Variants in HPD observed in about 807,000 individuals in gnomAD.
HPD encodes the protein 4-hydroxyphenylpyruvic acid oxidase.
HPD carries 35 observed loss-of-function variants against 56.9 expected under a neutral mutation model. The observed-to-expected ratio is 0.62, with a 90% CI of 0.47 to 0.82. The LOEUF is 0.82. Ranked by LOEUF, HPD falls within the 40% of genes least tolerant of loss-of-function variation. The pLI is 0.00. For missense variants in HPD, 442 were observed against 506.8 expected (o/e 0.87, Z 1.23); for synonymous variants, 186 against 200.2 (o/e 0.93, Z 0.60).
chr12:121,861,172 C>G (rs1878163544), upstream of HPD, among the ~76,000 whole-genome samples: 5 of 152,086 alleles, frequency 3.3e-5, no homozygotes, highest in South Asian at 1.0e-3. Context: ...ACCGTCTCTA[C>G]TAAAAATACA....
Position 121,839,626 on chromosome 12 carries a change from G to T in HPD, c.*102C>A. On this transcript the variant is annotated 3_prime_UTR_variant, in exon 14 of 14. Transcript: ENST00000289004. The stretch of plus-strand genomic sequence containing the variant: ...CGGAGCCTTGGGGGCCGAGTCCGCT[G>T]GTGGGCGGGACCCAAGGGGAGCAGC... The T allele has an allele frequency of 1.1e-6, 1 of 873,630 alleles. No homozygotes were observed. The highest frequency in any genetic ancestry group is 1.9e-6 in the Non-Finnish European group (1 of 527,550). The allele number at this position is 873,630 out of a possible 1,614,324, so 54.1% of individuals were successfully genotyped here.
intron 8 of HPD, 58 bp downstream of exon 8, chr12:121,849,629 A>G: frequency 8.9e-7 from 1 of 1,121,398 alleles, no homozygotes; most frequent in Non-Finnish European, 1.4e-6. Flanking sequence ...AGGAAGGGGC[A>G]TTACTTTTCA....
the HPD span, among the ~76,000 whole-genome samples, chr12:121,871,412 T>C: frequency 7.9e-5 from 12 of 151,778 alleles, no homozygotes; most frequent in African/African-American, 2.9e-4. Context: ...AGCCCTGTGC[T>C]CTGCTTCCTG....
In HPD at chr12:121,857,799, G is replaced by A; in HGVS notation, c.51C>T (p.Leu17=). 6.2e-7 allele frequency: 1 copy of A among 1,614,028 alleles called. No individual in the cohort carries two copies. Among genetic ancestry groups the A allele is most frequent in the Non-Finnish European group, 8.5e-7 (1 of 1,179,904 alleles). The part of the protein sequence containing the change: ...KGAKPERGRF[L]HFHSVTFWVG... ...CCCAGAAGGTCACAGAGTGGAAGTG[G>A]AGGAATCGGCCTCTCTCAGGCTGCA... Residue 17 remains leucine, a synonymous_variant, in exon 3 of 14, where the codon CTC becomes CTT. Coordinates refer to ENST00000289004, the MANE Select transcript of HPD (RefSeq NM_002150.3).
intron 11 of HPD, 127 bp downstream of exon 11, chr12:121,846,735 G>T: frequency 1.2e-6 from 1 of 838,516 alleles, no homozygotes; most frequent in South Asian, 1.4e-5. Context: ...AGCAGTGAGG[G>T]AGTCCTGTCA....
At chr12:121,847,305 G>A (rs890317818) in intron 9 of HPD, 91 bp from the exon 10 acceptor site, 1 of 1,219,180 alleles carries the variant, frequency 8.2e-7, no homozygotes, top group Non-Finnish European at 1.2e-6. Flanking sequence ...CTGTCCCTGA[G>A]CAGGCTCCAG....
chr12:121,848,984 G>C lies in HPD; in HGVS notation c.596+15C>G. The C allele has an allele frequency of 6.2e-7, 1 of 1,605,366 alleles. No homozygotes were observed. Among genetic ancestry groups the C allele is most frequent in the South Asian group, 1.1e-5 (1 of 90,924 alleles). On this transcript the variant is annotated intron_variant, in intron 9 of 13. Transcript: ENST00000289004. ...CCCGTCATCTTCACGCAGAGGGAGAGGGCCAAGGTCTCACCATTCGGAGGC... is the reference window on the plus strand; with the variant it reads ...CCCGTCATCTTCACGCAGAGGGAGACGGCCAAGGTCTCACCATTCGGAGGC...
chr12:121,868,877 CTCTT>C, the HPD span, among the ~76,000 whole-genome samples: 1 of 151,922 alleles, frequency 6.6e-6, no homozygotes, highest in African/African-American at 2.4e-5. Context: ...TATAAGAGTT[CTCTT>C]TGTTTGTTTT....
the HPD span, among the ~76,000 whole-genome samples, chr12:121,880,773 T>C: frequency 6.6e-6 from 1 of 152,128 alleles, no homozygotes; most frequent in Non-Finnish European, 1.5e-5. Flanking sequence ...ATTACAGACA[T>C]GAGCCACCAT....
rs575469461 is a variant in HPD at position 121,850,893 on chromosome 12, C to T, written c.415-1103G>A. ...TTTTTTTTTTTTTGAGACAGAGCTC[C>T]GCTCTTGTTGCCCAGGCTGGAGTGC... is the stretch of plus-strand genomic sequence containing the variant. On this transcript the variant is annotated intron_variant, in intron 7 of 13. Coordinates refer to ENST00000289004, the MANE Select transcript of HPD (RefSeq NM_002150.3). Among the ~76,000 whole-genome samples, 49 of 148,174 alleles carry T rather than the reference C, an allele frequency of 3.3e-4. 1 individual carries two copies. Among genetic ancestry groups the T allele is most frequent in the East Asian group, 6.1e-4 (3 of 4,938 alleles).
intron 7 of HPD, 121 bp from the exon 8 acceptor site, chr12:121,849,911 G>C (rs537007835): frequency 4.0e-5 from 28 of 703,502 alleles, no homozygotes; most frequent in Non-Finnish European, 6.0e-5. Flanking sequence ...AACCAGATGC[G>C]TGATCTTGGG....
At chr12:121,859,886 T>C (rs11043219), upstream of HPD, among the ~76,000 whole-genome samples, 51,604 of 152,030 alleles carry the variant, frequency 0.34, 9,034 homozygotes, top group Middle Eastern at 0.42. Flanking sequence ...GGGCCGGGGG[T>C]GGTGGCTCAC....
In HPD at chr12:121,858,733, C is replaced by T. The variant is rs773819148; in HGVS notation, c.4-20G>A. On this transcript the variant is annotated intron_variant, in intron 1 of 13. Transcript: ENST00000289004. ...AGTCGTCTAAGGAGAAAAAGAAGGACAGTGAGACTTGGAGGTTCCAACACA... is the reference window on the plus strand; with the variant it reads ...AGTCGTCTAAGGAGAAAAAGAAGGATAGTGAGACTTGGAGGTTCCAACACA... 1 of 1,613,942 alleles carries T rather than the reference C, an allele frequency of 6.2e-7. No homozygotes were observed. Among genetic ancestry groups the T allele is most frequent in the South Asian group, 1.1e-5 (1 of 90,884 alleles).
chr12:121,861,351 A>T (rs74518130), upstream of HPD, among the ~76,000 whole-genome samples: 1 of 151,154 alleles, frequency 6.6e-6, no homozygotes, highest in Middle Eastern at 3.4e-3. Context: ...AAAAAAAAAA[A>T]TTAGCTGGGT....
chr12:121,858,305 C>T lies in HPD; in HGVS notation c.30+382G>A, dbSNP rs188130994. 4.6e-3 allele frequency among the ~76,000 whole-genome samples: 703 copies of T among 152,244 alleles called. 4 individuals carry two copies. Among genetic ancestry groups the T allele is most frequent in the African/African-American group, 0.016 (664 of 41,534 alleles). On this transcript the variant is annotated intron_variant, in intron 2 of 13. Transcript: ENST00000289004. Reference sequence around the variant, plus strand: ...TTCAAGTGATCTCCCCCACCTTAGCCTCCTGAGTAGCTGGGATTACAGGGG... The same window carrying T: ...TTCAAGTGATCTCCCCCACCTTAGCTTCCTGAGTAGCTGGGATTACAGGGG...
the HPD span, among the ~76,000 whole-genome samples, chr12:121,871,859 G>A: frequency 6.6e-4 from 101 of 152,124 alleles, no homozygotes; most frequent in African/African-American, 2.3e-3. Context: ...GGTGTGGACC[G>A]TAGGATGTCC....
intron 11 of HPD, among the ~76,000 whole-genome samples, chr12:121,845,418 A>G (rs983684068): frequency 1.9e-4 from 28 of 149,106 alleles, no homozygotes; most frequent in Non-Finnish European, 3.8e-4. Flanking sequence ...AACACAGTGA[A>G]ACCCCGTCTC....
At chr12:121,842,299 A>G (rs1054130376) in intron 12 of HPD, among the ~76,000 whole-genome samples, 3 of 149,980 alleles carry the variant, frequency 2.0e-5, no homozygotes, top group Non-Finnish European at 4.4e-5. Context: ...AATTTTTTAA[A>G]ACTGTTTTTT....
chr12:121,851,534 G>A (rs1877772593), intron 7 of HPD, among the ~76,000 whole-genome samples: 1 of 149,528 alleles, frequency 6.7e-6, no homozygotes, highest in Admixed American at 6.7e-5. Context: ...AGTAAAGACA[G>A]GGTTTTGCCA....
Sources: allele counts gnomAD v4.1 joint callset (sites outside exome capture counted in the v4.1 genomes callset), GRCh38; gene constraint gnomAD v4.1.1; transcripts MANE v1.5; gene names NCBI Gene and HGNC (gene_info 2026-07-23, HGNC 2026-07-21).